The following UTRN variants were observed in gnomAD, a reference collection of about 807,000 sequenced individuals.
The protein encoded by UTRN is utrophin, also known as dystrophin-related protein 1.
UTRN carries 283 observed loss-of-function variants against 463.9 expected under a neutral mutation model. The observed-to-expected ratio is 0.61, with a 90% confidence interval of 0.55 to 0.67. The LOEUF (loss-of-function observed/expected upper bound fraction) is 0.67, where lower values mean the gene tolerates loss of function less well. Among genes scored for constraint, UTRN ranks in the 30% least tolerant of loss-of-function variants. The probability of loss-of-function intolerance (pLI) is 0.00; values close to 1 mark genes in which losing one functional copy is unlikely to be tolerated. For missense variants in UTRN, 3,922 were observed against 4,084.3 expected, an observed-to-expected ratio of 0.96 and a Z score of 1.08; for synonymous variants, 1,442 against 1,431.5, an observed-to-expected ratio of 1.01 and a Z score of -0.17.
chr6:144,511,689 A>G (rs1306986549), intron 35 of UTRN, among the ~76,000 whole-genome samples: 3 of 152,152 alleles, frequency 2.0e-5, no homozygotes, highest in Admixed American at 6.5e-5. Flanking sequence ...CAAAACAACC[A>G]ATTTTAGATT....
At chr6:144,312,715 G>A (rs554718201) in intron 2 of UTRN, among the ~76,000 whole-genome samples, 1 of 152,144 alleles carries the variant, frequency 6.6e-6, no homozygotes, top group African/African-American at 2.4e-5. Flanking sequence ...TCTCTTCCAT[G>A]TTTATATATT....
intron 51 of UTRN, among the ~76,000 whole-genome samples, chr6:144,676,993 T>C (rs1264419954): frequency 6.6e-6 from 1 of 152,168 alleles, no homozygotes; most frequent in African/African-American, 2.4e-5. Flanking sequence ...GTATAAGATT[T>C]CAAAAATTGC....
intron 34 of UTRN, among the ~76,000 whole-genome samples, chr6:144,502,364 C>T (rs184323581): frequency 2.6e-4 from 39 of 152,004 alleles, no homozygotes; most frequent in Admixed American, 2.2e-3. Flanking sequence ...CACTCATCAA[C>T]CCGTCATCTA....
chr6:144,297,431 T>C (rs1804826890), intron 2 of UTRN, among the ~76,000 whole-genome samples: 1 of 152,204 alleles, frequency 6.6e-6, no homozygotes, highest in African/African-American at 2.4e-5. Context: ...TCTGAGGCCT[T>C]TCTTGAGGAA....
At chr6:144,338,219 A>ATTT (rs1776884554) in intron 2 of UTRN, among the ~76,000 whole-genome samples, 1 of 152,014 alleles carries the variant, frequency 6.6e-6, no homozygotes, top group African/African-American at 2.4e-5. Flanking sequence ...GTATTTTTAG[A>ATTT]CATGTGCTTT....
chr6:144,489,972 A>G, intron 30 of UTRN, 99 bp from the exon 31 acceptor site: 2 of 1,484,790 alleles, frequency 1.3e-6, no homozygotes, highest in South Asian at 2.5e-5. Context: ...AAAATACGAT[A>G]TCATGTATTA....
chr6:144,383,241 CT>C (rs1781093905), intron 2 of UTRN, among the ~76,000 whole-genome samples: 1 of 152,192 alleles, frequency 6.6e-6, no homozygotes, highest in Non-Finnish European at 1.5e-5. Context: ...CCATTTCAGC[CT>C]GTTTAACATT....
chr6:144,788,529 A>G (rs955631155), intron 61 of UTRN, among the ~76,000 whole-genome samples: 3 of 150,712 alleles, frequency 2.0e-5, no homozygotes, highest in African/African-American at 7.3e-5. Flanking sequence ...TGAATCTTGC[A>G]TCTACAATTA....
intron 51 of UTRN, among the ~76,000 whole-genome samples, chr6:144,657,250 C>CAAAA (rs11400052): frequency 5.8e-5 from 4 of 68,852 alleles, no homozygotes; most frequent in South Asian, 5.0e-4. Context: ...AACTCCATCT[C>CAAAA]AAAAAAAAAA....
intron 51 of UTRN, among the ~76,000 whole-genome samples, chr6:144,601,394 G>A (rs1804233428): frequency 6.6e-6 from 1 of 152,178 alleles, no homozygotes; most frequent in African/African-American, 2.4e-5. Context: ...ATTTACAGGA[G>A]TTTGGAAGAA....
Position 144,447,330 on chromosome 6 carries a change from G to C in UTRN, c.1722+12G>C. The C allele has an allele frequency of 6.2e-7, 1 of 1,609,426 alleles. No homozygotes were observed. The highest frequency in any genetic ancestry group is 8.5e-7 in the Non-Finnish European group (1 of 1,177,064). On this transcript the variant is annotated intron_variant, in intron 15 of 74. Transcript: ENST00000367545. ...TTCGACGTCTGGCTGTAAGTGATGG[G>C]GTTGTCAGCATCTGTGTTGTAAGCC...
intron 17 of UTRN, among the ~76,000 whole-genome samples, chr6:144,450,301 C>G (rs1407719810): frequency 2.0e-5 from 3 of 152,168 alleles, no homozygotes. Context: ...CTTCTTGTAG[C>G]TGGTCCATGT....
chr6:144,544,702 G>GA (rs35142302), intron 46 of UTRN, among the ~76,000 whole-genome samples: 21,429 of 147,138 alleles, frequency 0.15, 1,988 homozygotes, highest in South Asian at 0.31. Context: ...ATTTTCAAAA[G>GA]AAAAAAAAAA....
chr6:144,430,220 G>A (rs930056024), intron 9 of UTRN, among the ~76,000 whole-genome samples: 4 of 152,082 alleles, frequency 2.6e-5, no homozygotes, highest in African/African-American at 9.7e-5. Flanking sequence ...GAGGAGTAAT[G>A]TATGGTAAAC....
At chr6:144,689,041 C>T (rs934327829) in intron 52 of UTRN, among the ~76,000 whole-genome samples, 1 of 152,118 alleles carries the variant, frequency 6.6e-6, no homozygotes, top group African/African-American at 2.4e-5. Context: ...GCCCCACTAC[C>T]CAGTCACTCT....
chr6:144,650,108 GGC>G (rs1036830518), intron 51 of UTRN, among the ~76,000 whole-genome samples: 1 of 152,188 alleles, frequency 6.6e-6, no homozygotes, highest in Non-Finnish European at 1.5e-5. Flanking sequence ...CTTACATGGT[GGC>G]AGGCAAGAGA....
At chr6:144,529,198 T>C (rs1796826640) in intron 41 of UTRN, among the ~76,000 whole-genome samples, 1 of 152,142 alleles carries the variant, frequency 6.6e-6, no homozygotes, top group South Asian at 2.1e-4. Flanking sequence ...CCAACAGCAT[T>C]GGGTTTATTT....
At chr6:144,820,028 C>T (rs1327354348) in intron 65 of UTRN, among the ~76,000 whole-genome samples, 2 of 151,786 alleles carry the variant, frequency 1.3e-5, no homozygotes, top group Non-Finnish European at 2.9e-5. Flanking sequence ...AAGTTCTGTG[C>T]AGGTAATGTA....
At position 144,724,746 on chromosome 6, in the gene UTRN, T is replaced by G. The variant is rs116735743; in HGVS notation, c.7810-5611T>G. Among the ~76,000 whole-genome samples, 639 of 152,330 alleles carry G rather than the reference T, an allele frequency of 4.2e-3. 3 individuals carry two copies. The highest frequency in any genetic ancestry group is 0.015 in the African/African-American group (612 of 41,570). ...GCATGATTTTAAAATTCTTCCATGTTATAGCACATATCAGTATTTCATTCA... is the reference window on the plus strand; with the variant it reads ...GCATGATTTTAAAATTCTTCCATGTGATAGCACATATCAGTATTTCATTCA... On this transcript the variant is annotated intron_variant, in intron 53 of 74. Coordinates refer to ENST00000367545, the MANE Select transcript of UTRN (RefSeq NM_007124.3).
Sources: gnomAD v4.1 joint callset for allele counts (sites outside exome capture counted in the v4.1 genomes callset) on GRCh38, gnomAD v4.1.1 for gene constraint, MANE v1.5 for transcripts, NCBI Gene and HGNC (gene_info 2026-07-23, HGNC 2026-07-21) for gene names.